FAM168A: variants seen among roughly 807,000 people sequenced by gnomAD.
FAM168A encodes protein FAM168A.
FAM168A carries 3 observed loss-of-function variants against 28.5 expected under a neutral mutation model. The observed-to-expected ratio is 0.11, with a 90% confidence interval of 0.05 to 0.27. The LOEUF is 0.27. Ranked by LOEUF, FAM168A falls within the 10% of genes least tolerant of loss-of-function variation. The pLI is 1.00. For missense variants in FAM168A, 222 were observed against 311.5 expected (o/e 0.71, Z 2.16); for synonymous variants, 122 against 124.2 (o/e 0.98, Z 0.12).
At chr11:73,571,066 C>T (rs1255154865) in intron 1 of FAM168A, among the ~76,000 whole-genome samples, 1 of 152,116 alleles carries the variant, frequency 6.6e-6, no homozygotes, top group Non-Finnish European at 1.5e-5. Flanking sequence ...CAACATAATG[C>T]AGTTACTTGC....
intron 1 of FAM168A, among the ~76,000 whole-genome samples, chr11:73,573,715 G>C (rs1309584227): frequency 6.6e-6 from 1 of 152,120 alleles, no homozygotes; most frequent in South Asian, 2.1e-4. Context: ...AAGACAGGAG[G>C]TTGGCTGGAA....
At chr11:73,525,616 A>G (rs1349653764) in intron 1 of FAM168A, among the ~76,000 whole-genome samples, 1 of 152,150 alleles carries the variant, frequency 6.6e-6, no homozygotes, top group Non-Finnish European at 1.5e-5. Flanking sequence ...TCACAGCTCT[A>G]CCTCTCAACA....
intron 1 of FAM168A, among the ~76,000 whole-genome samples, chr11:73,572,397 G>C (rs1343152748): frequency 7.5e-6 from 1 of 132,832 alleles, no homozygotes; most frequent in Non-Finnish European, 1.7e-5. Context: ...CATTGAGAAC[G>C]GGCCATGATG....
chr11:73,486,023 T>C lies in FAM168A; in HGVS notation c.-18-17531A>G, dbSNP rs146252499. Among the ~76,000 whole-genome samples, 331 of 152,300 alleles carry C rather than the reference T, an allele frequency of 2.2e-3. 2 individuals are homozygous for C. Among genetic ancestry groups the C allele is most frequent in the African/African-American group, 7.7e-3 (318 of 41,560 alleles). On this transcript the variant is annotated intron_variant, in intron 1 of 7. Transcript: ENST00000356467. Reference sequence around the variant, plus strand: ...CTCTATCCCTGATCTACCAATACCTTAGAATCAGCTTCCTTATTTATTCTT... The same window carrying C: ...CTCTATCCCTGATCTACCAATACCTCAGAATCAGCTTCCTTATTTATTCTT...
At chr11:73,461,585 T>C (rs1050984941) in intron 2 of FAM168A, among the ~76,000 whole-genome samples, 2 of 152,200 alleles carry the variant, frequency 1.3e-5, no homozygotes, top group Non-Finnish European at 2.9e-5. Context: ...GAGCAGGAGA[T>C]GGGCTGGAGA....
chr11:73,419,174 T>C (rs181030677), intron 4 of FAM168A, among the ~76,000 whole-genome samples: 1 of 152,282 alleles, frequency 6.6e-6, no homozygotes, highest in African/African-American at 2.4e-5. Flanking sequence ...TGTTAAAAAT[T>C]AGATGTGACG....
chr11:73,589,178 G>A (rs929891494), intron 1 of FAM168A, among the ~76,000 whole-genome samples: 3 of 152,080 alleles, frequency 2.0e-5, no homozygotes, highest in Non-Finnish European at 4.4e-5. Context: ...AATGACCAAC[G>A]CATAATGCTA....
At chr11:73,534,097 T>C (rs56407713) in intron 1 of FAM168A, among the ~76,000 whole-genome samples, 12,472 of 152,252 alleles carry the variant, frequency 0.082, 1,547 homozygotes, top group African/African-American at 0.27. Context: ...GAAATGCTGA[T>C]ACAGACATCT....
At chr11:73,513,811 G>T (rs1855275409) in intron 1 of FAM168A, among the ~76,000 whole-genome samples, 1 of 152,090 alleles carries the variant, frequency 6.6e-6, no homozygotes, top group Non-Finnish European at 1.5e-5. Context: ...CAGAATATGT[G>T]AATTCAAATC....
chr11:73,587,081 C>G (rs2134742489), intron 1 of FAM168A, among the ~76,000 whole-genome samples: 1 of 144,648 alleles, frequency 6.9e-6, no homozygotes, highest in East Asian at 2.0e-4. Context: ...AATAAAAATA[C>G]GTCATTTTAT....
chr11:73,526,395 C>G (rs1026845531), intron 1 of FAM168A, among the ~76,000 whole-genome samples: 39 of 152,162 alleles, frequency 2.6e-4, no homozygotes, highest in African/African-American at 9.4e-4. Flanking sequence ...AAATCAGAAA[C>G]CTAAAAATAA....
intron 1 of FAM168A, among the ~76,000 whole-genome samples, chr11:73,501,973 C>T (rs1396547881): frequency 2.0e-5 from 3 of 151,814 alleles, no homozygotes; most frequent in East Asian, 1.9e-4. Context: ...TGGTGGCGGG[C>T]GCCTGTAGTC....
At chr11:73,513,219 T>C (rs1223530138) in intron 1 of FAM168A, among the ~76,000 whole-genome samples, 3 of 144,478 alleles carry the variant, frequency 2.1e-5, no homozygotes, top group Admixed American at 6.8e-5. Flanking sequence ...TTTTTTTTTT[T>C]TTTTTTTTGA....
intron 1 of FAM168A, among the ~76,000 whole-genome samples, chr11:73,482,940 A>C (rs546272554): frequency 6.6e-6 from 1 of 152,152 alleles, no homozygotes; most frequent in East Asian, 1.9e-4. Flanking sequence ...AGGTTTCACC[A>C]TGTTGGCCAG....
Position 73,585,871 on chromosome 11 carries a change from CAAA to C in FAM168A, c.-19+12049_-19+12051del, listed in dbSNP as rs11358691. Among the ~76,000 whole-genome samples the C allele has an allele frequency of 6.9e-4, 56 of 81,656 alleles. No homozygotes were observed. The South Asian group carries it at 0.019, about 28-fold the overall frequency. The allele number at this position is 81,656 out of a possible 152,430, so 53.6% of individuals were successfully genotyped here. A position where few individuals can be genotyped will look rare whatever the true frequency, so the allele number is the denominator to read the frequency against. ...TGACAAAGTAAGACTCCATCTCAAACAAAAAAAAAAAAAAAAAAAAAAGAGATT... is the reference window on the plus strand; with the variant it reads ...TGACAAAGTAAGACTCCATCTCAAACAAAAAAAAAAAAAAAAAAAGAGATT... On this transcript the variant is annotated intron_variant, in intron 1 of 7. Transcript: ENST00000356467.
In FAM168A at chr11:73,442,812, C is replaced by T. The variant is rs551879946; in HGVS notation, c.71-12042G>A. On this transcript the variant is annotated intron_variant, in intron 2 of 7. Coordinates refer to ENST00000356467, the MANE Select transcript of FAM168A (RefSeq NM_015159.3). ...ACGTGGTGTACAGTGTTGTTCAAGG[C>T]TTCTATTTCTTTTCTTTCTTTCTTT... Among the ~76,000 whole-genome samples the T allele has an allele frequency of 3.4e-5, 5 of 145,838 alleles. 1 individual carries two copies. In the South Asian group the frequency reaches 1.1e-3, roughly 32 times the overall value.
In FAM168A at chr11:73,420,004, AG is replaced by A. The variant is rs1376521106; in HGVS notation, c.152-6del. On this transcript the variant is annotated splice_polypyrimidine_tract_variant and splice_region_variant and intron_variant, in intron 3 of 7. Coordinates refer to ENST00000356467, the MANE Select transcript of FAM168A (RefSeq NM_015159.3). ...CCTGTTTCATCAGCAGAGTTGCTTAAGGGAAGACACAAGAATGGCATTAGAC... is the reference window on the plus strand; with the variant it reads ...CCTGTTTCATCAGCAGAGTTGCTTAAGGAAGACACAAGAATGGCATTAGAC... 6.2e-7 allele frequency: 1 copy of A among 1,613,236 alleles called. No individual in the cohort carries two copies. The highest frequency in any genetic ancestry group is 1.1e-5 in the South Asian group (1 of 91,006).
chr11:73,506,395 A>G (rs889477798), intron 1 of FAM168A, among the ~76,000 whole-genome samples: 1 of 146,968 alleles, frequency 6.8e-6, no homozygotes, highest in Non-Finnish European at 1.5e-5. Flanking sequence ...AAATAAGGAG[A>G]AAAAAAAAAA....
intron 2 of FAM168A, among the ~76,000 whole-genome samples, chr11:73,439,393 ACCTC>A (rs1242936758): frequency 6.6e-6 from 1 of 152,098 alleles, no homozygotes. Context: ...AAGGCCAGCA[ACCTC>A]TGGGTCATTC....
Sources: allele counts gnomAD v4.1 joint callset (sites outside exome capture counted in the v4.1 genomes callset), GRCh38; gene constraint gnomAD v4.1.1; transcripts MANE v1.5; gene names NCBI Gene and HGNC (gene_info 2026-07-23, HGNC 2026-07-21).